Variants in SLC43A2 observed in about 807,000 individuals in gnomAD.
SLC43A2 encodes the protein solute carrier family 43 member 2.
A neutral mutation model predicts 63.2 loss-of-function variants in SLC43A2; 38 were observed. That is an observed-to-expected ratio of 0.60 (90% CI 0.46 to 0.79). The LOEUF (loss-of-function observed/expected upper bound fraction) is 0.79. Among genes scored for constraint, SLC43A2 ranks in the 30% least tolerant of loss-of-function variants. The pLI, the probability that SLC43A2 is intolerant of heterozygous loss-of-function variation, is 0.00. For missense variants in SLC43A2, 644 were observed against 756.2 expected, an observed-to-expected ratio of 0.85 and a Z score of 1.74; for synonymous variants, 322 against 331.0, an observed-to-expected ratio of 0.97 and a Z score of 0.30.
chr17:1,581,725 C>T (rs1161515857), intron 11 of SLC43A2, among the ~76,000 whole-genome samples: 1 of 152,100 alleles, frequency 6.6e-6, no homozygotes, highest in African/African-American at 2.4e-5. Flanking sequence ...TGGAGCCAGG[C>T]AGGTGACAAG....
chr17:1,580,230 T>A (rs1425188634), intron 11 of SLC43A2, among the ~76,000 whole-genome samples: 1 of 152,158 alleles, frequency 6.6e-6, no homozygotes, highest in Non-Finnish European at 1.5e-5. Context: ...GCTTTTCACA[T>A]CTACTGTAGA....
rs192939133 is a variant in SLC43A2 at position 1,593,383 on chromosome 17, C to T, written c.502-104G>A. 20 of 1,009,986 alleles carry T rather than the reference C, an allele frequency of 2.0e-5. No individual in the cohort carries two copies. Among genetic ancestry groups the T allele is most frequent in the East Asian group, 5.1e-5 (2 of 39,184 alleles). The allele number at this position is 1,009,986 out of a possible 1,614,324, so 62.6% of individuals were successfully genotyped here. On this transcript the variant is annotated intron_variant, in intron 5 of 13. Transcript: ENST00000301335. This position sits in a 1 kb window ranked among gnomAD's most constrained non-coding sequence, Gnocchi z 5.3. Reference sequence around the variant, plus strand: ...CCCCATGAGGCCCCTTCTTCACCTGCGCCCCTTCCTGTGTGACTCACAGGG... The same window carrying T: ...CCCCATGAGGCCCCTTCTTCACCTGTGCCCCTTCCTGTGTGACTCACAGGG...
chr17:1,612,229 G>T (rs1359002865), intron 5 of SLC43A2, among the ~76,000 whole-genome samples: 2 of 152,158 alleles, frequency 1.3e-5, no homozygotes, highest in East Asian at 3.8e-4. Flanking sequence ...CTCCCAAAGT[G>T]CTGGGATTTC....
intron 8 of SLC43A2, 142 bp from the exon 9 acceptor site, chr17:1,591,090 G>A: frequency 8.0e-7 from 1 of 1,242,888 alleles, no homozygotes. Context: ...CGCTGCGGTG[G>A]GGTCACCTCT....
chr17:1,586,625 G>A (rs1267202954), intron 9 of SLC43A2, among the ~76,000 whole-genome samples: 9 of 152,078 alleles, frequency 5.9e-5, no homozygotes. Context: ...CCCGGGAGGT[G>A]AAGGTTGCAG....
At chr17:1,586,796 G>A (rs1187466393) in intron 9 of SLC43A2, among the ~76,000 whole-genome samples, 1 of 152,202 alleles carries the variant, frequency 6.6e-6, no homozygotes, top group Non-Finnish European at 1.5e-5. Context: ...CAGGGAAGCA[G>A]ACGAGGAATG....
chr17:1,574,913 A>G lies in SLC43A2; in HGVS notation c.*691T>C, dbSNP rs1311021096. On this transcript the variant is annotated 3_prime_UTR_variant, in exon 14 of 14. Coordinates refer to ENST00000301335, the MANE Select transcript of SLC43A2 (RefSeq NM_152346.3). ...AAATTCCCTTCAGGTGGCAGACAGA[A>G]CGAGGGTGACAGTGAAAACGTGTCC... 1 of 153,082 alleles carries G rather than the reference A, an allele frequency of 6.5e-6. No homozygotes were observed. Among genetic ancestry groups the G allele is most frequent in the Non-Finnish European group, 1.5e-5 (1 of 68,542 alleles). The allele number at this position is 153,082 out of a possible 1,614,324, so 9.5% of individuals were successfully genotyped here. A position where few individuals can be genotyped will look rare whatever the true frequency, so the allele number is the denominator to read the frequency against.
chr17:1,596,998 C>T (rs1905345562), intron 5 of SLC43A2, among the ~76,000 whole-genome samples: 1 of 151,468 alleles, frequency 6.6e-6, no homozygotes, highest in Admixed American at 6.6e-5. Context: ...GGGCGGATCA[C>T]GAGGTCAGGA....
rs567939192 is a variant in SLC43A2 at position 1,606,802 on chromosome 17, C to T, written c.501+6393G>A. Among the ~76,000 whole-genome samples, 729 of 152,372 alleles carry T rather than the reference C, an allele frequency of 4.8e-3. 4 individuals carry two copies. Among genetic ancestry groups the T allele is most frequent in the Non-Finnish European group, 5.6e-3 (384 of 68,028 alleles). On this transcript the variant is annotated intron_variant, in intron 5 of 13. Transcript: ENST00000301335. The surrounding 1 kb of genome is among the most constrained non-coding windows in gnomAD (Gnocchi z 4.7). Reference sequence around the variant, plus strand: ...CCTGGCGTCCGCCCTCCACGGATGGCACGCGATGGCCCAGGCCCTGTGCTG... The same window carrying T: ...CCTGGCGTCCGCCCTCCACGGATGGTACGCGATGGCCCAGGCCCTGTGCTG...
chr17:1,579,148 A>AT (rs1555535755), intron 11 of SLC43A2, among the ~76,000 whole-genome samples: 3 of 145,346 alleles, frequency 2.1e-5, no homozygotes, highest in Non-Finnish European at 3.0e-5. Flanking sequence ...CAAAAAAAAA[A>AT]AATAATAATA....
At chr17:1,612,257 C>T (rs1257916952) in intron 5 of SLC43A2, among the ~76,000 whole-genome samples, 1 of 152,154 alleles carries the variant, frequency 6.6e-6, no homozygotes, top group South Asian at 2.1e-4. Flanking sequence ...AGCCACCATG[C>T]CCAGCCCCTT....
chr17:1,628,039 G>A (rs904351343), intron 1 of SLC43A2, 119 bp from the exon 2 acceptor site: 6 of 1,054,546 alleles, frequency 5.7e-6, no homozygotes, highest in South Asian at 9.0e-5. Flanking sequence ...CGCGGCGGCC[G>A]GTGCGCGCAG....
intron 9 of SLC43A2, among the ~76,000 whole-genome samples, chr17:1,588,141 G>A (rs1253965639): frequency 4.6e-5 from 7 of 152,054 alleles, no homozygotes; most frequent in Admixed American, 3.9e-4. Context: ...GCTCACGCCT[G>A]TAATCTCAGC....
At chr17:1,622,138 G>A (rs920587579) in intron 2 of SLC43A2, among the ~76,000 whole-genome samples, 3 of 152,192 alleles carry the variant, frequency 2.0e-5, no homozygotes, top group Admixed American at 1.3e-4. Context: ...TCTCTGAGAC[G>A]CATCCTGAGG....
intron 5 of SLC43A2, chr17:1,603,066 T>G (rs1223889166): frequency 1.3e-5 from 2 of 151,972 alleles, no homozygotes; most frequent in African/African-American, 4.8e-5. Flanking sequence ...GCCGAGGGTT[T>G]TAAAGATCAT....
At chr17:1,585,883 G>C (rs369826894) in intron 10 of SLC43A2, 30 bp downstream of exon 10, 16 of 1,613,138 alleles carry the variant, frequency 9.9e-6, no homozygotes, top group Non-Finnish European at 1.4e-5. Flanking sequence ...CTGCGGGCTG[G>C]GAGCCGGGGC....
chr17:1,583,904 G>T lies in SLC43A2; in HGVS notation c.1218-568C>A, dbSNP rs1481077482. Among the ~76,000 whole-genome samples the T allele has an allele frequency of 6.0e-5, 9 of 150,804 alleles. No individual in the cohort carries two copies. The highest frequency in any genetic ancestry group is 2.2e-4 in the African/African-American group (9 of 41,034). On this transcript the variant is annotated intron_variant, in intron 10 of 13. Coordinates refer to ENST00000301335, the MANE Select transcript of SLC43A2 (RefSeq NM_152346.3). The surrounding 1 kb of genome is among the most constrained non-coding windows in gnomAD (Gnocchi z 5.5). ...TTTGTTTTGTTTTTTTGTTCTTTGG[G>T]TTTTTTTTTGAGATGGAGTCTCGCT...
chr17:1,569,730 C>G lies in SLC43A2; in HGVS notation c.*5874G>C, dbSNP rs1035381578. The stretch of plus-strand genomic sequence containing the variant: ...AAACCTCACTCAGCAGAAACTTGTC[C>G]ACCAGTGATTGATTATCTCGAGCAG... On this transcript the variant is annotated 3_prime_UTR_variant, in exon 14 of 14. Coordinates refer to ENST00000301335, the MANE Select transcript of SLC43A2 (RefSeq NM_152346.3). The G allele has an allele frequency of 6.6e-6, 1 of 152,362 alleles. No homozygotes were observed. The highest frequency in any genetic ancestry group is 2.4e-5 in the African/African-American group (1 of 41,416). The allele number at this position is 152,362 out of a possible 1,614,324, so 9.4% of individuals were successfully genotyped here.
At chr17:1,576,835 C>G in intron 12 of SLC43A2, 115 bp from the exon 13 acceptor site, 1 of 1,307,254 alleles carries the variant, frequency 7.6e-7, no homozygotes, top group Non-Finnish European at 1.0e-6. Flanking sequence ...GGTGCCAGCC[C>G]TCGGATTCCT....
Sources: gnomAD v4.1 joint callset for allele counts (sites outside exome capture counted in the v4.1 genomes callset) on GRCh38, gnomAD v4.1.1 for gene constraint, Gnocchi (gnomAD v3.1) non-coding constraint, MANE v1.5 for transcripts, NCBI Gene and HGNC (gene_info 2026-07-23, HGNC 2026-07-21) for gene names.